The following DTHD1 variants were observed in gnomAD, a reference collection of about 807,000 sequenced individuals.
DTHD1 encodes the protein death domain-containing protein 1.
A neutral mutation model predicts 74.8 loss-of-function variants in DTHD1; 59 were observed. The ratio of observed to expected loss-of-function variants is 0.79; its 90% CI spans 0.64 to 0.98. The LOEUF is 0.98. Ranked by LOEUF, DTHD1 falls within the 50% of genes least tolerant of loss-of-function variation. DTHD1 has a pLI of 0.00. For missense variants in DTHD1, 1,051 were observed against 1,065.4 expected, an observed-to-expected ratio of 0.99 and a Z score of 0.19; for synonymous variants, 365 against 371.1, an observed-to-expected ratio of 0.98 and a Z score of 0.19.
chr4:36,299,619 T>C (rs978160067), intron 5 of DTHD1, among the ~76,000 whole-genome samples: 5 of 152,236 alleles, frequency 3.3e-5, no homozygotes, highest in Non-Finnish European at 7.3e-5. Flanking sequence ...TTCTCCATTG[T>C]ATGCACTCTG....
intron 8 of DTHD1, 90 bp downstream of exon 8, chr4:36,316,576 C>A: frequency 7.7e-7 from 1 of 1,294,224 alleles, no homozygotes; most frequent in Non-Finnish European, 1.0e-6. Context: ...GAGACACATA[C>A]AGTTAAAAGA....
chr4:36,292,412 C>T (rs13138877), intron 3 of DTHD1, among the ~76,000 whole-genome samples: 27,406 of 152,160 alleles, frequency 0.18, 2,984 homozygotes, highest in Non-Finnish European at 0.24. Flanking sequence ...GTAAGAAAAA[C>T]ATTTTAAACT....
At position 36,316,366 on chromosome 4, in the gene DTHD1, C is replaced by T; in HGVS notation, c.2220C>T (p.Gly740=). ...ACTATAGTTGCCCTCATTACAAAGG[C>T]ACCATTGTCGTTTATAAAGTACCTA... ...FGNYSCPHYK[G]TIVVYKVPKG... Residue 740 remains glycine (G), a synonymous_variant, in exon 8 of 10, where the codon GGC becomes GGT. Transcript: ENST00000639862. 1 of 1,552,184 alleles carries T rather than the reference C, an allele frequency of 6.4e-7. No individual in the cohort carries two copies. Among genetic ancestry groups the T allele is most frequent in the South Asian group, 1.2e-5 (1 of 84,062 alleles).
Position 36,308,360 on chromosome 4 carries a change from C to T in DTHD1, c.1962C>T (p.Ser654=), listed in dbSNP as rs1159150889. Residue 654 remains serine, a synonymous_variant, in exon 7 of 10, where the codon TCC becomes TCT. Transcript: ENST00000639862. The part of the protein sequence containing the change: ...PHRIAVLVVP[S]KDLSQVLKDL... ...GAATAGCTGTTTTAGTGGTGCCTTC[C>T]AAAGATTTAAGCCAGGTGCTTAAGG... 1 of 1,551,788 alleles carries T rather than the reference C, an allele frequency of 6.4e-7. No individual in the cohort carries two copies. The highest frequency in any genetic ancestry group is 2.0e-5 in the Admixed American group (1 of 51,002).
At chr4:36,341,018 A>T (rs1471312838) in intron 9 of DTHD1, among the ~76,000 whole-genome samples, 1 of 152,128 alleles carries the variant, frequency 6.6e-6, no homozygotes, top group Admixed American at 6.6e-5. Flanking sequence ...CAGGCCAGGA[A>T]TCAGTGCAGT....
chr4:36,307,469 C>T (rs1757127784), intron 6 of DTHD1, among the ~76,000 whole-genome samples: 1 of 152,260 alleles, frequency 6.6e-6, no homozygotes, highest in East Asian at 1.9e-4. Flanking sequence ...AAGACCTTAA[C>T]GACCTCACCT....
At position 36,308,218 on chromosome 4, in the gene DTHD1, A is replaced by G; in HGVS notation, c.1820A>G (p.His607Arg). The change falls in exon 7 of 10, where the codon CAC becomes CGC. Residue 607 changes from histidine (H) to arginine (R), a missense_variant. By Grantham distance (29) the His-to-Arg change is conservative. Transcript: ENST00000639862. ...YEHLERFIVL[H>R]LSSTMDNSHL... Reference sequence around the variant, plus strand: ...CTTCCATGCAGGTTTATTGTACTTCACCTCTCTTCCACCATGGACAATAGT... The same window carrying G: ...CTTCCATGCAGGTTTATTGTACTTCGCCTCTCTTCCACCATGGACAATAGT... 6.4e-7 allele frequency: 1 copy of G among 1,551,916 alleles called. No individual in the cohort carries two copies. The highest frequency in any genetic ancestry group is 8.7e-7 in the Non-Finnish European group (1 of 1,147,028).
rs777973066 is a variant in DTHD1, at chr4:36,306,362, T to A, written c.1805+10T>A. 7.2e-6 allele frequency: 11 copies of A among 1,520,680 alleles called. No individual in the cohort carries two copies. Among genetic ancestry groups the A allele is most frequent in the Non-Finnish European group, 9.7e-6 (11 of 1,129,196 alleles). The allele number at this position is 1,520,680 out of a possible 1,614,324, so 94.2% of individuals were successfully genotyped here. On this transcript the variant is annotated intron_variant, in intron 6 of 9. Transcript: ENST00000639862. ...ATGAACATTTGGAGAGGTAATACCATCAAAAACAATCAAAGTTGATGATAC... is the reference window on the plus strand; with the variant it reads ...ATGAACATTTGGAGAGGTAATACCAACAAAAACAATCAAAGTTGATGATAC...
chr4:36,308,751 C>A (rs1246438128), intron 7 of DTHD1, among the ~76,000 whole-genome samples: 2 of 152,196 alleles, frequency 1.3e-5, no homozygotes, highest in African/African-American at 2.4e-5. Flanking sequence ...CAGTTACTAT[C>A]TGAGTCCAAG....
intron 4 of DTHD1, 50 bp from the exon 5 acceptor site, chr4:36,294,745 G>T: frequency 6.8e-7 from 1 of 1,462,142 alleles, no homozygotes. Flanking sequence ...TGTACCAATA[G>T]TTTGCATCTT....
chr4:36,326,092 T>G (rs986991143), intron 8 of DTHD1, among the ~76,000 whole-genome samples: 2 of 152,078 alleles, frequency 1.3e-5, no homozygotes, highest in Non-Finnish European at 2.9e-5. Context: ...CATATTTTGC[T>G]CCAGTTCTAC....
chr4:36,293,812 GATT>G, intron 4 of DTHD1, 107 bp downstream of exon 4: 1 of 1,002,600 alleles, frequency 1.0e-6, no homozygotes, highest in Non-Finnish European at 1.4e-6. Context: ...ACAAAAAATG[GATT>G]ATTTTCTTGT....
intron 8 of DTHD1, among the ~76,000 whole-genome samples, chr4:36,317,731 C>G (rs901659931): frequency 2.0e-5 from 3 of 151,974 alleles, no homozygotes; most frequent in African/African-American, 7.3e-5. Flanking sequence ...AAAATAGTAA[C>G]TGATTGAAGT....
rs1169410788 is a variant in DTHD1 at position 36,346,787 on chromosome 4, T to C, written c.*2963T>C. ...CTGTGCTCATCTTGGCCTGGCTGTG[T>C]CCCTGGCCTGCAACCACTGCTCCTC... On this transcript the variant is annotated 3_prime_UTR_variant, in exon 10 of 10. Transcript: ENST00000639862. Among the ~76,000 whole-genome samples the C allele has an allele frequency of 6.6e-6, 1 of 152,004 alleles. No individual in the cohort carries two copies. Among genetic ancestry groups the C allele is most frequent in the Non-Finnish European group, 1.5e-5 (1 of 68,002 alleles).
rs1757745292 is a variant in DTHD1 at position 36,316,482 on chromosome 4, C to CGTA, written c.2336_2337insGTA (p.Pro779_Lys780insTer). 6.5e-7 allele frequency: 1 copy of CGTA among 1,546,634 alleles called. No individual in the cohort carries two copies. Among genetic ancestry groups the CGTA allele is most frequent in the Non-Finnish European group, 8.7e-7 (1 of 1,145,616 alleles). On this transcript the variant is annotated stop_gained and inframe_insertion, in exon 8 of 10. Transcript: ENST00000639862. LOFTEE classifies it high-confidence loss of function. ...ATTTGCAAATTACCATTGAAATTGC[C>CGTA]AAAGGTGAGTTATTTTACTTTTCTA...
At chr4:36,287,137 C>T (rs938455201) in intron 2 of DTHD1, among the ~76,000 whole-genome samples, 17 of 152,170 alleles carry the variant, frequency 1.1e-4, no homozygotes, top group Non-Finnish European at 1.5e-4. Context: ...CCCTCCCACC[C>T]TTTCCCCAGA....
At chr4:36,308,141 G>C (rs1278920125) in intron 6 of DTHD1, 63 bp from the exon 7 acceptor site, 6 of 1,423,872 alleles carry the variant, frequency 4.2e-6, no homozygotes. Context: ...GGTGTTATTA[G>C]ATATCAGTGA....
chr4:36,314,169 T>C (rs1757563125), intron 7 of DTHD1, among the ~76,000 whole-genome samples: 1 of 152,008 alleles, frequency 6.6e-6, no homozygotes, highest in Non-Finnish European at 1.5e-5. Context: ...TCTGGAGTTA[T>C]TCTATTTCTA....
At chr4:36,295,322 G>A (rs11730539) in intron 5 of DTHD1, among the ~76,000 whole-genome samples, 27,383 of 152,020 alleles carry the variant, frequency 0.18, 2,977 homozygotes, top group Non-Finnish European at 0.24. Context: ...TATTCAAAGC[G>A]CTGGAAATTT....
Sources: gnomAD v4.1 joint callset for allele counts (sites outside exome capture counted in the v4.1 genomes callset) on GRCh38, gnomAD v4.1.1 for gene constraint, MANE v1.5 for transcripts, NCBI Gene and HGNC (gene_info 2026-07-23, HGNC 2026-07-21) for gene names.